ADARB2: variants seen among roughly 807,000 people sequenced by gnomAD.
ADARB2 encodes the protein inactive double-stranded RNA-specific editase B2.
In ADARB2, 25 loss-of-function variants were observed where a neutral mutation model predicts 62.2. That is an observed-to-expected ratio of 0.40 (90% CI 0.29 to 0.56). The LOEUF (loss-of-function observed/expected upper bound fraction) is 0.56. ADARB2 is among the 20% of genes least tolerant of loss of function. ADARB2 has a pLI of 0.43. For missense variants in ADARB2, 1,071 were observed against 1,077.4 expected (o/e 0.99, Z 0.08); for synonymous variants, 572 against 500.8 (o/e 1.14, Z -1.90).
intron 3 of ADARB2, among the ~76,000 whole-genome samples, chr10:1,329,307 A>G (rs1831906095): frequency 6.6e-6 from 1 of 152,256 alleles, no homozygotes; most frequent in Non-Finnish European, 1.5e-5. Context: ...TAAAAAAATA[A>G]AAACCTCTAC....
intron 1 of ADARB2, among the ~76,000 whole-genome samples, chr10:1,601,994 G>T (rs900864252): frequency 2.4e-5 from 2 of 84,770 alleles, no homozygotes; most frequent in Non-Finnish European, 5.3e-5. Context: ...TTCTCCCTCA[G>T]AGATGGACTC....
chr10:1,273,500 C>T (rs1831284227), intron 3 of ADARB2, among the ~76,000 whole-genome samples: 1 of 152,214 alleles, frequency 6.6e-6, no homozygotes, highest in African/African-American at 2.4e-5. Context: ...AGGTGGGTGG[C>T]AGGCGGGAGC....
chr10:1,610,866 A>C (rs1833561873), intron 1 of ADARB2, among the ~76,000 whole-genome samples: 2 of 152,092 alleles, frequency 1.3e-5, no homozygotes, highest in South Asian at 4.1e-4. Context: ...ACCCATACAT[A>C]CACATACAAA....
At chr10:1,502,240 G>T (rs1238363020) in intron 1 of ADARB2, among the ~76,000 whole-genome samples, 2 of 152,236 alleles carry the variant, frequency 1.3e-5, no homozygotes, top group East Asian at 3.8e-4. Flanking sequence ...GGGGCTCTGT[G>T]ATGCTGCATC....
intron 1 of ADARB2, among the ~76,000 whole-genome samples, chr10:1,414,519 A>G (rs1309255263): frequency 6.6e-6 from 1 of 152,206 alleles, no homozygotes; most frequent in African/African-American, 2.4e-5. Context: ...TTGAGTGAAA[A>G]GAACCTGCTC....
chr10:1,274,917 G>T (rs955948921), intron 3 of ADARB2, among the ~76,000 whole-genome samples: 1 of 152,206 alleles, frequency 6.6e-6, no homozygotes, highest in African/African-American at 2.4e-5. Context: ...CTGGGTGCAG[G>T]CTGGAGCAGC....
chr10:1,377,177 CCTCTGGGGT>C (rs1832438915), intron 2 of ADARB2, among the ~76,000 whole-genome samples: 3 of 105,626 alleles, frequency 2.8e-5, no homozygotes, highest in African/African-American at 3.8e-5. Context: ...TGTGTGTGCG[CCTCTGGGGT>C]GTGTGCTCCT....
intron 1 of ADARB2, among the ~76,000 whole-genome samples, chr10:1,467,207 C>T (rs1185820231): frequency 1.3e-5 from 2 of 152,178 alleles, no homozygotes; most frequent in Admixed American, 1.3e-4. Context: ...AATACTGTAA[C>T]TGCTCATCGG....
intron 1 of ADARB2, among the ~76,000 whole-genome samples, chr10:1,721,440 G>T (rs147587034): frequency 6.6e-6 from 1 of 152,288 alleles, no homozygotes; most frequent in Admixed American, 6.5e-5. Flanking sequence ...CTTTCACCTA[G>T]TGGGATTCTA....
At chr10:1,543,723 A>G (rs1832473036) in intron 1 of ADARB2, among the ~76,000 whole-genome samples, 1 of 152,204 alleles carries the variant, frequency 6.6e-6, no homozygotes, top group South Asian at 2.1e-4. Flanking sequence ...TGGTGGAATT[A>G]TCTGTGCCTG....
chr10:1,352,128 C>G (rs183698041), intron 3 of ADARB2, among the ~76,000 whole-genome samples: 1 of 151,888 alleles, frequency 6.6e-6, no homozygotes, highest in African/African-American at 2.4e-5. Context: ...TTACTTCAGT[C>G]AAGCCCAAAT....
intron 7 of ADARB2, among the ~76,000 whole-genome samples, chr10:1,207,840 A>G (rs1189270238): frequency 6.6e-6 from 1 of 152,224 alleles, no homozygotes; most frequent in East Asian, 1.9e-4. Flanking sequence ...ATGCCGCTCA[A>G]TGTTTGATTA....
intron 3 of ADARB2, among the ~76,000 whole-genome samples, chr10:1,282,688 A>G (rs892481821): frequency 1.3e-5 from 2 of 152,256 alleles, no homozygotes; most frequent in Admixed American, 6.5e-5. Context: ...CTTGGTTTAC[A>G]GGAGAAGCAG....
chr10:1,318,379 T>C (rs1277830160), intron 3 of ADARB2, among the ~76,000 whole-genome samples: 1 of 152,200 alleles, frequency 6.6e-6, no homozygotes, highest in Admixed American at 6.5e-5. Flanking sequence ...CCTGCAGAAT[T>C]TGAGAACCAT....
chr10:1,600,990 C>T (rs547895791), intron 1 of ADARB2, among the ~76,000 whole-genome samples: 1 of 152,308 alleles, frequency 6.6e-6, no homozygotes, highest in East Asian at 1.9e-4. Context: ...ACTCTTGCAG[C>T]AGGGCCTTGC....
intron 1 of ADARB2, among the ~76,000 whole-genome samples, chr10:1,717,482 C>G (rs1438408644): frequency 3.3e-5 from 5 of 151,752 alleles, no homozygotes; most frequent in Admixed American, 2.0e-4. Context: ...CTGTTCTTTT[C>G]TTTCTTCCTT....
intron 1 of ADARB2, among the ~76,000 whole-genome samples, chr10:1,660,222 A>G (rs1808163829): frequency 6.6e-6 from 1 of 152,250 alleles, no homozygotes; most frequent in Non-Finnish European, 1.5e-5. Flanking sequence ...GTGCTCACAA[A>G]GCACTGGCTA....
chr10:1,555,701 G>A (rs1056408134), intron 1 of ADARB2, among the ~76,000 whole-genome samples: 3 of 152,202 alleles, frequency 2.0e-5, no homozygotes, highest in East Asian at 1.9e-4. Context: ...TTGGAAGGCC[G>A]AGGTGGTTGG....
At chr10:1,382,880 A>G (rs996194948) in intron 1 of ADARB2, among the ~76,000 whole-genome samples, 7 of 151,862 alleles carry the variant, frequency 4.6e-5, no homozygotes, top group African/African-American at 7.3e-5. Flanking sequence ...GGCACTCCCC[A>G]CTCCTCAGCT....
Sources: allele counts gnomAD v4.1 joint callset (sites outside exome capture counted in the v4.1 genomes callset), GRCh38; gene constraint gnomAD v4.1.1; transcripts MANE v1.5; gene names NCBI Gene and HGNC (gene_info 2026-07-23, HGNC 2026-07-21).